Variants in IMMP2L observed in about 807,000 individuals in gnomAD.
The protein encoded by IMMP2L is inner mitochondrial membrane peptidase subunit 2.
A neutral mutation model predicts 19.3 loss-of-function variants in IMMP2L; 18 were observed. The observed-to-expected ratio is 0.93, with a 90% confidence interval of 0.64 to 1.38. The LOEUF (loss-of-function observed/expected upper bound fraction) is 1.38, where lower values mean the gene tolerates loss of function less well. Ranked by LOEUF, IMMP2L falls within the 40% of genes most tolerant of loss-of-function variation. The pLI is 0.00. For missense variants in IMMP2L, 233 were observed against 218.2 expected (o/e 1.07, Z -0.43); for synonymous variants, 76 against 73.0 (o/e 1.04, Z -0.21).
chr7:110,988,369 G>A (rs562906664), intron 3 of IMMP2L, among the ~76,000 whole-genome samples: 1 of 152,174 alleles, frequency 6.6e-6, no homozygotes, highest in Non-Finnish European at 1.5e-5. Context: ...AGATAGTAGA[G>A]GTTCAAGCAT....
chr7:111,231,877 T>C (rs976702834), intron 3 of IMMP2L, among the ~76,000 whole-genome samples: 1 of 152,022 alleles, frequency 6.6e-6, no homozygotes, highest in Non-Finnish European at 1.5e-5. Flanking sequence ...CTGTCAAGTA[T>C]AATAATTTTT....
At chr7:111,374,831 A>C (rs1001496485) in intron 3 of IMMP2L, among the ~76,000 whole-genome samples, 1 of 152,178 alleles carries the variant, frequency 6.6e-6, no homozygotes, top group African/African-American at 2.4e-5. Flanking sequence ...ATTCAATGTT[A>C]GCTACAGCTA....
intron 3 of IMMP2L, among the ~76,000 whole-genome samples, chr7:111,347,393 A>C (rs1380080220): frequency 6.6e-6 from 1 of 152,052 alleles, no homozygotes; most frequent in Non-Finnish European, 1.5e-5. Context: ...TTGAAGGTAA[A>C]AACGATTAAG....
chr7:111,004,499 T>G (rs1563151613), intron 3 of IMMP2L, among the ~76,000 whole-genome samples: 1 of 152,158 alleles, frequency 6.6e-6, no homozygotes, highest in African/African-American at 2.4e-5. Flanking sequence ...GGTCATTGAC[T>G]ATCACTGAGT....
intron 3 of IMMP2L, among the ~76,000 whole-genome samples, chr7:111,041,328 A>AAT (rs1791876601): frequency 6.6e-6 from 1 of 152,142 alleles, no homozygotes; most frequent in African/African-American, 2.4e-5. Context: ...AATGAGTAAA[A>AAT]ATATGTGTAA....
At chr7:111,346,380 A>C (rs1262855424) in intron 3 of IMMP2L, among the ~76,000 whole-genome samples, 1 of 152,148 alleles carries the variant, frequency 6.6e-6, no homozygotes. Context: ...GGTAAGAGAC[A>C]CTACTGAGCA....
In IMMP2L at chr7:111,171,730, G is replaced by A. The variant is rs1806468505; in HGVS notation, c.240-208165C>T. Reference sequence around the variant, plus strand: ...AGAACACATCTGAGGGTGCTCCTTAGACAAGAAGGAATGTGAAGAATGTTT... The same window carrying A: ...AGAACACATCTGAGGGTGCTCCTTAAACAAGAAGGAATGTGAAGAATGTTT... On this transcript the variant is annotated intron_variant, in intron 3 of 5. Transcript: ENST00000405709. Among the ~76,000 whole-genome samples, 4 of 151,452 alleles carry A rather than the reference G, an allele frequency of 2.6e-5. No individual in the cohort carries two copies. The South Asian group carries it at 8.3e-4, about 31-fold the overall frequency.
chr7:111,252,605 C>A (rs1026267864), intron 3 of IMMP2L, among the ~76,000 whole-genome samples: 1 of 152,124 alleles, frequency 6.6e-6, no homozygotes, highest in South Asian at 2.1e-4. Context: ...ATGAATAATA[C>A]GTGGCTCCAA....
chr7:111,047,680 G>A (rs1792541983), intron 3 of IMMP2L, among the ~76,000 whole-genome samples: 5 of 151,912 alleles, frequency 3.3e-5, no homozygotes. Context: ...GAAATTCCAG[G>A]GGCTAATATT....
chr7:111,152,985 T>A (rs1804244232), intron 3 of IMMP2L, among the ~76,000 whole-genome samples: 1 of 152,054 alleles, frequency 6.6e-6, no homozygotes, highest in Non-Finnish European at 1.5e-5. Context: ...TTTTTGTTGA[T>A]TTTTCTGGTT....
At chr7:110,707,328 C>T (rs866316643) in intron 5 of IMMP2L, among the ~76,000 whole-genome samples, 3 of 9,904 alleles carry the variant, frequency 3.0e-4, no homozygotes, top group African/African-American at 9.9e-4. Context: ...CTACAAAGGA[C>T]ATGAACTCAT....
intron 1 of IMMP2L, among the ~76,000 whole-genome samples, chr7:111,556,014 G>GTGTGTGTATATATATATA: frequency 8.7e-6 from 1 of 114,602 alleles, no homozygotes; most frequent in Non-Finnish European, 1.7e-5. Context: ...TCTTCTGTGT[G>GTGTGTGTATATATATATA]CATGTATATA....
chr7:111,311,828 C>T (rs1823555841), intron 3 of IMMP2L, among the ~76,000 whole-genome samples: 1 of 152,118 alleles, frequency 6.6e-6, no homozygotes, highest in African/African-American at 2.4e-5. Flanking sequence ...TCTGGCTCTT[C>T]CACCCATTAT....
chr7:111,416,428 G>A (rs2106898), intron 3 of IMMP2L, among the ~76,000 whole-genome samples: 1 of 151,810 alleles, frequency 6.6e-6, no homozygotes, highest in East Asian at 1.9e-4. Flanking sequence ...CAGAGATTTA[G>A]CCCAGATTTT....
intron 5 of IMMP2L, among the ~76,000 whole-genome samples, chr7:110,696,963 G>C (rs1009955574): frequency 6.6e-6 from 1 of 152,158 alleles, no homozygotes; most frequent in East Asian, 1.9e-4. Context: ...CCTGAGGAGA[G>C]ATAAGAAGTG....
chr7:111,478,535 C>T (rs943523799), intron 3 of IMMP2L, among the ~76,000 whole-genome samples: 1 of 151,550 alleles, frequency 6.6e-6, no homozygotes, highest in Admixed American at 6.6e-5. Context: ...AGCTAGACTA[C>T]AGGCATGCAA....
intron 3 of IMMP2L, among the ~76,000 whole-genome samples, chr7:111,299,373 T>C (rs1441947775): frequency 6.6e-6 from 1 of 152,120 alleles, no homozygotes; most frequent in Non-Finnish European, 1.5e-5. Context: ...TAGCTGTTAA[T>C]CTCATTCAAT....
chr7:111,034,154 A>C (rs1791108856), intron 3 of IMMP2L, among the ~76,000 whole-genome samples: 1 of 152,202 alleles, frequency 6.6e-6, no homozygotes, highest in African/African-American at 2.4e-5. Flanking sequence ...GATTAAAAAT[A>C]AAGTAGTTAC....
intron 3 of IMMP2L, among the ~76,000 whole-genome samples, chr7:111,254,845 C>T (rs970103055): frequency 1.3e-5 from 2 of 152,054 alleles, no homozygotes; most frequent in African/African-American, 2.4e-5. Context: ...TGTGCAGTTC[C>T]AACCTGTGTT....
Sources: gnomAD v4.1 joint callset for allele counts (sites outside exome capture counted in the v4.1 genomes callset) on GRCh38, gnomAD v4.1.1 for gene constraint, MANE v1.5 for transcripts, NCBI Gene and HGNC (gene_info 2026-07-23, HGNC 2026-07-21) for gene names.